The following PAX7 variants were observed in gnomAD, a reference collection of about 807,000 sequenced individuals.
The protein encoded by PAX7 is paired box protein Pax-7.
PAX7 carries 18 observed loss-of-function variants against 50.7 expected under a neutral mutation model. The ratio of observed to expected loss-of-function variants is 0.36; its 90% CI spans 0.25 to 0.53. The LOEUF (loss-of-function observed/expected upper bound fraction) is 0.53, where lower values mean the gene tolerates loss of function less well. Among genes scored for constraint, PAX7 ranks in the 20% least tolerant of loss-of-function variants. PAX7 has a pLI of 0.93. For synonymous variants in PAX7, 310 were observed against 290.4 expected (o/e 1.07, Z -0.69); for missense variants, 644 against 702.9 (o/e 0.92, Z 0.95).
intron 4 of PAX7, among the ~76,000 whole-genome samples, chr1:18,648,186 C>G (rs1479228484): frequency 1.3e-5 from 2 of 152,024 alleles, no homozygotes; most frequent in Non-Finnish European, 2.9e-5. Flanking sequence ...CAGGCTCCTA[C>G]CTGACTGGCC....
At chr1:18,659,625 G>C (rs1209307574) in intron 4 of PAX7, among the ~76,000 whole-genome samples, 2 of 152,170 alleles carry the variant, frequency 1.3e-5, no homozygotes, top group Non-Finnish European at 2.9e-5. Flanking sequence ...GGAAAGGAAA[G>C]GACCTTAGGC....
intron 4 of PAX7, among the ~76,000 whole-genome samples, chr1:18,685,007 T>C (rs1354514514): frequency 6.6e-6 from 1 of 152,140 alleles, no homozygotes; most frequent in Non-Finnish European, 1.5e-5. Flanking sequence ...GCTTTTCCTC[T>C]GGCAAAAGAG....
In PAX7 at chr1:18,742,148, CTTTT is replaced by C. The variant is rs61248648; in HGVS notation, c.1403-2642_1403-2639del. 5.1e-3 allele frequency among the ~76,000 whole-genome samples: 529 copies of C among 103,436 alleles called. 4 individuals are homozygous for C. The highest frequency in any genetic ancestry group is 0.017 in the African/African-American group (429 of 24,676). 67.9% of individuals were successfully genotyped at this position (103,436 alleles called of 152,430 possible). A position where few individuals can be genotyped will look rare whatever the true frequency, so the allele number is the denominator to read the frequency against. ...GACTGTCCCTCTAAGAATGAGGCTT[CTTTT>C]TTTTTTTTTTTTTTTTTTTTTTTGA... On this transcript the variant is annotated intron_variant, in intron 8 of 8. Transcript: ENST00000420770.
intron 7 of PAX7, among the ~76,000 whole-genome samples, chr1:18,704,104 G>A (rs893523116): frequency 6.6e-6 from 1 of 152,194 alleles, no homozygotes; most frequent in Non-Finnish European, 1.5e-5. Context: ...GTAAATATTA[G>A]TTCTCTGGCC....
At chr1:18,711,507 T>C (rs2089351442) in intron 7 of PAX7, among the ~76,000 whole-genome samples, 1 of 152,110 alleles carries the variant, frequency 6.6e-6, no homozygotes, top group African/African-American at 2.4e-5. Context: ...TGGTTTCCTA[T>C]CCAGGGCAAT....
chr1:18,662,564 G>GTTT (rs1553136162), intron 4 of PAX7, among the ~76,000 whole-genome samples: 3 of 151,980 alleles, frequency 2.0e-5, no homozygotes, highest in Non-Finnish European at 4.4e-5. Flanking sequence ...TTGTTTGTTT[G>GTTT]TTTGTTTTGT....
At position 18,700,080 on chromosome 1, in the gene PAX7, G is replaced by A. The variant is rs1438668596; in HGVS notation, c.787-573G>A. ...TCCCACTAATGTTTGATAAATCCGT[G>A]TGTGTGTGTGTGTGTGTGTGTGTGT... is the stretch of plus-strand genomic sequence containing the variant. On this transcript the variant is annotated intron_variant, in intron 5 of 8. Transcript: ENST00000420770. The surrounding 1 kb of genome is among the most constrained non-coding windows in gnomAD (Gnocchi z 4.8). 8.9e-3 allele frequency among the ~76,000 whole-genome samples: 488 copies of A among 55,020 alleles called. 1 individual carries two copies. Among genetic ancestry groups the A allele is most frequent in the African/African-American group, 0.068 (463 of 6,796 alleles). 36.1% of individuals were successfully genotyped at this position (55,020 alleles called of 152,430 possible).
rs563202806 is a variant in PAX7, at chr1:18,642,049, A to G, written c.586+5678A>G. On this transcript the variant is annotated intron_variant, in intron 4 of 8. Transcript: ENST00000420770. Reference sequence around the variant, plus strand: ...AGGATTTAAAAGCACATATAACAGTAGCCTTAAAGCAGTAAGGTGATTATT... The same window carrying G: ...AGGATTTAAAAGCACATATAACAGTGGCCTTAAAGCAGTAAGGTGATTATT... Among the ~76,000 whole-genome samples the G allele has an allele frequency of 1.2e-4, 18 of 150,424 alleles. No individual in the cohort carries two copies. In the South Asian group the frequency reaches 3.6e-3, roughly 30 times the overall value.
chr1:18,704,711 A>G (rs371399175), intron 7 of PAX7, among the ~76,000 whole-genome samples: 1 of 152,114 alleles, frequency 6.6e-6, no homozygotes, highest in Admixed American at 6.6e-5. Flanking sequence ...ATTAAAAAAA[A>G]AAACAAACCT....
At chr1:18,693,162 T>A (rs2089100497) in intron 5 of PAX7, among the ~76,000 whole-genome samples, 1 of 152,122 alleles carries the variant, frequency 6.6e-6, no homozygotes, top group Non-Finnish European at 1.5e-5. Context: ...AGATCCCCAT[T>A]ACCAGAATCT....
chr1:18,734,103 A>G (rs1011437056), intron 7 of PAX7, among the ~76,000 whole-genome samples: 8 of 152,362 alleles, frequency 5.3e-5, no homozygotes, highest in African/African-American at 1.9e-4. Context: ...CCTGTGGCAC[A>G]AGCCAATAAT....
At chr1:18,737,619 T>A (rs1930853597) in intron 8 of PAX7, among the ~76,000 whole-genome samples, 1 of 152,280 alleles carries the variant, frequency 6.6e-6, no homozygotes, top group Non-Finnish European at 1.5e-5. Context: ...CATGTATGTG[T>A]CAGTGGGCAC....
At position 18,639,078 on chromosome 1, in the gene PAX7, C is replaced by G. The variant is rs146828628; in HGVS notation, c.586+2707C>G. 1.8e-3 allele frequency among the ~76,000 whole-genome samples: 276 copies of G among 152,274 alleles called. 1 individual carries two copies. The highest frequency in any genetic ancestry group is 6.4e-3 in the African/African-American group (267 of 41,542). Reference sequence around the variant, plus strand: ...GGGTTTAAGAGCTCTCCTCTTTAAGCACTAAAGAGAGATCCCTCCCTGAGT... The same window carrying G: ...GGGTTTAAGAGCTCTCCTCTTTAAGGACTAAAGAGAGATCCCTCCCTGAGT... On this transcript the variant is annotated intron_variant, in intron 4 of 8. Coordinates refer to ENST00000420770, the MANE Select transcript of PAX7 (RefSeq NM_001135254.2).
At chr1:18,723,115 A>G (rs2089514662) in intron 7 of PAX7, among the ~76,000 whole-genome samples, 1 of 152,202 alleles carries the variant, frequency 6.6e-6, no homozygotes, top group Non-Finnish European at 1.5e-5. Flanking sequence ...TGGAAACCCT[A>G]GAATGCTTCC....
chr1:18,739,860 G>A (rs1324777282), intron 8 of PAX7, among the ~76,000 whole-genome samples: 1 of 152,178 alleles, frequency 6.6e-6, no homozygotes, highest in South Asian at 2.1e-4. Flanking sequence ...GATTAATACG[G>A]CCCTGGTGTT....
At chr1:18,719,855 A>G (rs2089473399) in intron 7 of PAX7, among the ~76,000 whole-genome samples, 1 of 152,148 alleles carries the variant, frequency 6.6e-6, no homozygotes, top group Non-Finnish European at 1.5e-5. Flanking sequence ...GTATCCCAGC[A>G]TGGTTACTGA....
At chr1:18,648,544 C>T (rs999751139) in intron 4 of PAX7, among the ~76,000 whole-genome samples, 2 of 151,918 alleles carry the variant, frequency 1.3e-5, no homozygotes, top group South Asian at 2.1e-4. Context: ...GATTTTGCCA[C>T]GTTGCCTGGG....
intron 7 of PAX7, among the ~76,000 whole-genome samples, chr1:18,707,415 C>CTTTTTTTTTTTTTTT (rs60914648): frequency 1.8e-4 from 5 of 28,054 alleles, no homozygotes; most frequent in Non-Finnish European, 2.2e-4. Flanking sequence ...TTTTTTCTTT[C>CTTTTTTTTTTTTTTT]TTTTTTTTTT....
chr1:18,728,987 T>C (rs947141874), intron 7 of PAX7, among the ~76,000 whole-genome samples: 2 of 152,110 alleles, frequency 1.3e-5, no homozygotes, highest in African/African-American at 4.8e-5. Flanking sequence ...TCTTGCCCAG[T>C]CCTCAGCCTG....
Sources: gnomAD v4.1 joint callset for allele counts (sites outside exome capture counted in the v4.1 genomes callset) on GRCh38, gnomAD v4.1.1 for gene constraint, Gnocchi (gnomAD v3.1) non-coding constraint, MANE v1.5 for transcripts, NCBI Gene and HGNC (gene_info 2026-07-23, HGNC 2026-07-21) for gene names.